Variants in SELP observed in about 807,000 individuals in gnomAD.
The protein encoded by SELP is selectin P, also known as P-selectin.
SELP carries 92 observed loss-of-function variants against 104.1 expected under a neutral mutation model. That is an observed-to-expected ratio of 0.88 (90% CI 0.75 to 1.05). The LOEUF is 1.05. Ranked by LOEUF, SELP falls within the 50% of genes least tolerant of loss-of-function variation. SELP has a pLI of 0.00. For missense variants in SELP, 1,022 were observed against 1,017.3 expected, an observed-to-expected ratio of 1.00 and a Z score of -0.06; for synonymous variants, 397 against 364.5, an observed-to-expected ratio of 1.09 and a Z score of -1.01.
At position 169,617,208 on chromosome 1, in the gene SELP, A is replaced by T; in HGVS notation, c.301T>A (p.Trp101Arg). The T allele has an allele frequency of 6.2e-7, 1 of 1,613,936 alleles. No homozygotes were observed. The highest frequency in any genetic ancestry group is 1.7e-5 in the Admixed American group (1 of 59,996). ...WIGIRKNNKT[W>R]TWVGTKKALT... ...GCCTTTTTGGTTCCCACCCATGTCCATGTCTTATTGTTCTTTCGGATCCCA... is the reference window on the plus strand; with the variant it reads ...GCCTTTTTGGTTCCCACCCATGTCCTTGTCTTATTGTTCTTTCGGATCCCA... The change falls in exon 3 of 17, where the codon TGG becomes AGG. Residue 101 changes from tryptophan to arginine, a missense_variant. Physicochemically the swap from Trp to Arg is moderately radical, Grantham distance 101. Coordinates refer to ENST00000263686, the MANE Select transcript of SELP (RefSeq NM_003005.4).
At chr1:169,604,561 A>G (rs1011319686) in intron 9 of SELP, among the ~76,000 whole-genome samples, 1 of 152,238 alleles carries the variant, frequency 6.6e-6, no homozygotes, top group Non-Finnish European at 1.5e-5. Context: ...CTTAAACAGC[A>G]TGAGGTTTCA....
intron 9 of SELP, among the ~76,000 whole-genome samples, chr1:169,603,944 A>G (rs1662051407): frequency 6.6e-6 from 1 of 152,214 alleles, no homozygotes; most frequent in Non-Finnish European, 1.5e-5. Flanking sequence ...AACATGATTT[A>G]TAATCCTTTG....
chr1:169,600,680 A>T (rs2420378), intron 10 of SELP, among the ~76,000 whole-genome samples: 52,450 of 152,112 alleles, frequency 0.34, 11,659 homozygotes, highest in East Asian at 0.96. Flanking sequence ...TGTATCCTAG[A>T]ACTCTGCAAA....
In SELP at chr1:169,594,893, A is replaced by G; in HGVS notation, c.2102-16T>C. The G allele has an allele frequency of 8.1e-6, 13 of 1,601,510 alleles. No homozygotes were observed. Among genetic ancestry groups the G allele is most frequent in the Non-Finnish European group, 1.1e-5 (13 of 1,171,068 alleles). On this transcript the variant is annotated splice_polypyrimidine_tract_variant and intron_variant, in intron 12 of 16. Coordinates refer to ENST00000263686, the MANE Select transcript of SELP (RefSeq NM_003005.4). ...CATTTCACAGCTGCAGAAAAGAAATAATGCAAGAGAAACAACATGTGGATT... is the reference window on the plus strand; with the variant it reads ...CATTTCACAGCTGCAGAAAAGAAATGATGCAAGAGAAACAACATGTGGATT...
intron 4 of SELP, 112 bp downstream of exon 4, chr1:169,613,472 AGG>A (rs762549934): frequency 1.3e-6 from 1 of 766,802 alleles, no homozygotes; most frequent in Non-Finnish European, 2.3e-6. Flanking sequence ...CAGATGATAG[AGG>A]GGGGCTGGTA....
At chr1:169,607,226 G>C (rs766418163) in intron 8 of SELP, 92 bp from the exon 9 acceptor site, 147 of 1,068,648 alleles carry the variant, frequency 1.4e-4, no homozygotes, top group Non-Finnish European at 1.7e-4. Context: ...TCAAGAACAG[G>C]GATTCCTGAA....
chr1:169,622,893 A>T lies in SELP; in HGVS notation c.4-3674T>A, dbSNP rs1481267067. On this transcript the variant is annotated intron_variant, in intron 1 of 16. Transcript: ENST00000263686. ...GAGCCTGCTTGTGGTCTTTTAAGTG[A>T]TGAGGATTGCAGATCATGCTAGTAC... Among the ~76,000 whole-genome samples, 21 of 152,218 alleles carry T rather than the reference A, an allele frequency of 1.4e-4. 1 individual carries two copies. The highest frequency in any genetic ancestry group is 1.4e-3 in the Admixed American group (21 of 15,282).
At chr1:169,605,658 C>T (rs1242386355) in intron 9 of SELP, among the ~76,000 whole-genome samples, 2 of 152,084 alleles carry the variant, frequency 1.3e-5, no homozygotes, top group African/African-American at 4.8e-5. Flanking sequence ...ACCCATTCAA[C>T]TTTATTGTTA....
chr1:169,605,644 T>G (rs968325958), intron 9 of SELP, among the ~76,000 whole-genome samples: 2 of 152,172 alleles, frequency 1.3e-5, no homozygotes, highest in Non-Finnish European at 2.9e-5. Context: ...CTGTCTAGTC[T>G]TTTACCCATT....
intron 11 of SELP, among the ~76,000 whole-genome samples, chr1:169,596,510 A>G (rs1485821490): frequency 6.6e-6 from 1 of 152,236 alleles, no homozygotes; most frequent in Non-Finnish European, 1.5e-5. Context: ...TTCTCTGACT[A>G]AAGGTCAATG....
At chr1:169,614,056 G>A (rs955270154) in intron 3 of SELP, among the ~76,000 whole-genome samples, 1 of 152,214 alleles carries the variant, frequency 6.6e-6, no homozygotes, top group Non-Finnish European at 1.5e-5. Context: ...GAAGCCCAAT[G>A]TCACGTATTA....
At position 169,611,509 on chromosome 1, in the gene SELP, G is replaced by T. The variant is rs541735574; in HGVS notation, c.1130C>A (p.Pro377His). The stretch of plus-strand genomic sequence containing the variant: ...AATCCTACCCTCACAGGTTGGCAAG[G>T]GTGCAGACCAGTGTCCAGAGTCAAT... ...RCIDSGHWSAPLPTCEAISCE... is the reference protein window; with the variant it reads ...RCIDSGHWSAHLPTCEAISCE... Residue 377 changes from proline to histidine, a missense_variant, in exon 7 of 17, where the codon CCC (proline) becomes CAC (histidine). Transcript: ENST00000263686. 36 of 1,613,924 alleles carry T rather than the reference G, an allele frequency of 2.2e-5. No individual in the cohort carries two copies. The highest frequency in any genetic ancestry group is 2.9e-5 in the Non-Finnish European group (34 of 1,179,918).
chr1:169,627,088 C>T (rs1247003257), intron 1 of SELP, among the ~76,000 whole-genome samples: 2 of 152,066 alleles, frequency 1.3e-5, no homozygotes, highest in Non-Finnish European at 2.9e-5. Flanking sequence ...TTTGGTCTGG[C>T]ATCAGTGGGA....
chr1:169,625,035 C>T (rs931585070), intron 1 of SELP, among the ~76,000 whole-genome samples: 3 of 152,124 alleles, frequency 2.0e-5, no homozygotes, highest in African/African-American at 7.2e-5. Context: ...CTCCTGCCCA[C>T]ATCTGCCTGT....
At position 169,599,751 on chromosome 1, in the gene SELP, G is replaced by T. The variant is rs143915558; in HGVS notation, c.1706-2575C>A. 4.8e-4 allele frequency among the ~76,000 whole-genome samples: 73 copies of T among 152,204 alleles called. 1 individual carries two copies. The East Asian group carries it at 0.013, about 27-fold the overall frequency. ...AGATTCAGAGAAATGTTGGGGGAAT[G>T]AAGAAAAAAATGGAGATGTCAGCTG... On this transcript the variant is annotated intron_variant, in intron 10 of 16. Transcript: ENST00000263686.
At chr1:169,619,579 G>A (rs1226247797) in intron 1 of SELP, among the ~76,000 whole-genome samples, 5 of 152,056 alleles carry the variant, frequency 3.3e-5, no homozygotes, top group Non-Finnish European at 7.4e-5. Context: ...TTTAAGAAGT[G>A]GTATGTCATA....
intron 11 of SELP, 102 bp from the exon 12 acceptor site, chr1:169,596,236 C>A (rs1295966732): frequency 9.9e-7 from 1 of 1,005,318 alleles, no homozygotes. Flanking sequence ...CCCTTCATAA[C>A]AAGGGAGGCT....
At chr1:169,622,344 A>G (rs899506175) in intron 1 of SELP, among the ~76,000 whole-genome samples, 2 of 152,248 alleles carry the variant, frequency 1.3e-5, no homozygotes, top group African/African-American at 2.4e-5. Flanking sequence ...AATTTGGGGC[A>G]TATAACTTGG....
rs144413164 is a variant in SELP, at chr1:169,603,065, G to A, written c.1666C>T (p.Arg556Ter). 46 of 1,613,764 alleles carry A rather than the reference G, an allele frequency of 2.9e-5. No homozygotes were observed. Among genetic ancestry groups the A allele is most frequent in the Non-Finnish European group, 3.4e-5 (40 of 1,179,930 alleles). Residue 556 changes from arginine to a stop codon, truncating the protein, a stop_gained, in exon 10 of 17, where the codon CGA becomes TGA. Coordinates refer to ENST00000263686, the MANE Select transcript of SELP (RefSeq NM_003005.4). LOFTEE classifies it high-confidence loss of function. ...GGGGAGTCTGTCCAGCGTCCCGATCGAGTACAATCCAATCTTTCTGGTCCA... is the reference window on the plus strand; with the variant it reads ...GGGGAGTCTGTCCAGCGTCCCGATCAAGTACAATCCAATCTTTCTGGTCCA... Reference protein sequence around the residue: ...LSGPERLDCTRSGRWTDSPPM... With the variant: ...LSGPERLDCT
Sources: gnomAD v4.1 joint callset for allele counts (sites outside exome capture counted in the v4.1 genomes callset) on GRCh38, gnomAD v4.1.1 for gene constraint, MANE v1.5 for transcripts, NCBI Gene and HGNC (gene_info 2026-07-23, HGNC 2026-07-21) for gene names.